CHMP3: variants seen among roughly 807,000 people sequenced by gnomAD.
CHMP3 encodes the protein charged multivesicular body protein 3, also known as 25.1 protein.
In CHMP3, 8 loss-of-function variants were observed where a neutral mutation model predicts 27.4. The ratio of observed to expected loss-of-function variants is 0.29; its 90% CI spans 0.17 to 0.53. The LOEUF (loss-of-function observed/expected upper bound fraction) is 0.53, where lower values mean the gene tolerates loss of function less well. Among genes scored for constraint, CHMP3 ranks in the 20% least tolerant of loss-of-function variants. The pLI, the probability that CHMP3 is intolerant of heterozygous loss-of-function variation, is 0.96. For missense variants in CHMP3, 208 were observed against 271.5 expected, an observed-to-expected ratio of 0.77 and a Z score of 1.64; for synonymous variants, 86 against 85.5, an observed-to-expected ratio of 1.01 and a Z score of -0.03.
intron 2 of CHMP3, among the ~76,000 whole-genome samples, chr2:86,535,061 A>G (rs1265783575): frequency 6.6e-6 from 1 of 152,106 alleles, no homozygotes; most frequent in Non-Finnish European, 1.5e-5. Context: ...GTTCCAGACT[A>G]GCCTAGGCAA....
Position 86,505,694 on chromosome 2 carries a change from C to A in CHMP3, c.*110G>T. ...TGGGCAGAGAATGAAAAGAGACAAA[C>A]AGAACCTTCTCCAAAATGGTAGTCC... On this transcript the variant is annotated 3_prime_UTR_variant, in exon 6 of 6. Transcript: ENST00000263856. The A allele has an allele frequency of 7.6e-7, 1 of 1,313,734 alleles. No individual in the cohort carries two copies. The allele number at this position is 1,313,734 out of a possible 1,614,324, so 81.4% of individuals were successfully genotyped here.
intron 3 of CHMP3, among the ~76,000 whole-genome samples, chr2:86,526,625 T>C (rs1461940895): frequency 6.6e-6 from 1 of 152,132 alleles, no homozygotes; most frequent in African/African-American, 2.4e-5. Context: ...ATCAATGTAA[T>C]TTCATCTAGT....
intron 1 of CHMP3, among the ~76,000 whole-genome samples, chr2:86,555,442 C>T (rs577098637): frequency 6.6e-6 from 1 of 151,000 alleles, no homozygotes; most frequent in Admixed American, 6.6e-5. Flanking sequence ...GTGGAGACTG[C>T]AGTGAGCCGA....
rs1200503151 is a variant in CHMP3 at position 86,505,929 on chromosome 2, T to C, written c.544A>G (p.Ser182Gly). 2.5e-6 allele frequency: 4 copies of C among 1,578,864 alleles called. No individual in the cohort carries two copies. The highest frequency in any genetic ancestry group is 3.4e-6 in the Non-Finnish European group (4 of 1,160,128). ...TCTGGAAGGGCATCAGTCACTTTAC[T>C]GGGTGCTTTGCCCAAGGCCCCTGAA... ...ITAGALGKAPSKVTDALPEPE... is the reference protein window; with the variant it reads ...ITAGALGKAPGKVTDALPEPE... The change falls in exon 6 of 6, where the codon AGT becomes GGT. Residue 182 changes from serine to glycine, a missense_variant. Physicochemically the swap from Ser to Gly is moderately conservative, Grantham distance 56. Transcript: ENST00000263856.
chr2:86,532,905 T>A (rs551165872), intron 2 of CHMP3, among the ~76,000 whole-genome samples: 1 of 152,356 alleles, frequency 6.6e-6, no homozygotes, highest in East Asian at 1.9e-4. Context: ...TTGCAGCATC[T>A]TTGTCTGATA....
Position 86,505,667 on chromosome 2 carries a change from C to T in CHMP3, c.*137G>A. ...GAACAATCCCTTTGCGATCCCAAAA[C>T]CTGGGCAGAGAATGAAAAGAGACAA... is the stretch of plus-strand genomic sequence containing the variant. On this transcript the variant is annotated 3_prime_UTR_variant, in exon 6 of 6. Coordinates refer to ENST00000263856, the MANE Select transcript of CHMP3 (RefSeq NM_016079.4). 2 of 1,236,690 alleles carry T rather than the reference C, an allele frequency of 1.6e-6. No individual in the cohort carries two copies. The highest frequency in any genetic ancestry group is 1.0e-6 in the Non-Finnish European group (1 of 956,552). 76.6% of individuals were successfully genotyped at this position (1,236,690 alleles called of 1,614,324 possible).
chr2:86,544,292 C>T (rs1339806504), intron 1 of CHMP3, among the ~76,000 whole-genome samples: 1 of 151,304 alleles, frequency 6.6e-6, no homozygotes, highest in Non-Finnish European at 1.5e-5. Flanking sequence ...TTTATGATAG[C>T]TGTCTGCTGA....
At chr2:86,542,343 G>A (rs1384145141) in intron 1 of CHMP3, 31 bp from the exon 2 acceptor site, 2 of 1,598,016 alleles carry the variant, frequency 1.3e-6, no homozygotes, top group Admixed American at 1.7e-5. Context: ...GGAATGAGGA[G>A]AAAAGCCGAA....
At chr2:86,524,706 G>A (rs1001740572) in intron 3 of CHMP3, among the ~76,000 whole-genome samples, 1 of 152,186 alleles carries the variant, frequency 6.6e-6, no homozygotes, top group African/African-American at 2.4e-5. Flanking sequence ...AATGTATATG[G>A]ATTCCCAGAG....
intron 4 of CHMP3, among the ~76,000 whole-genome samples, chr2:86,508,887 G>A (rs1573234726): frequency 6.6e-6 from 1 of 152,314 alleles, no homozygotes; most frequent in East Asian, 1.9e-4. Context: ...CATAAAAGAA[G>A]TGCAATAAAT....
chr2:86,533,198 C>T (rs1233083668), intron 2 of CHMP3, among the ~76,000 whole-genome samples: 1 of 152,320 alleles, frequency 6.6e-6, no homozygotes, highest in Admixed American at 6.5e-5. Flanking sequence ...CTAGGTTACA[C>T]AATTTATTAA....
In CHMP3 at chr2:86,560,895, C is replaced by T. The variant is rs150705227; in HGVS notation, c.45+2409G>A. Among the ~76,000 whole-genome samples the T allele has an allele frequency of 3.4e-3, 524 of 152,098 alleles. 6 individuals carry two copies. The highest frequency in any genetic ancestry group is 0.012 in the African/African-American group (505 of 41,468). On this transcript the variant is annotated intron_variant, in intron 1 of 5. Transcript: ENST00000263856. ...GAAGGTGCTACACACTTTTAAACAA[C>T]CAGATCTCATGAGAACTCACTATCT...
chr2:86,519,665 A>G (rs1675451268), intron 3 of CHMP3, among the ~76,000 whole-genome samples: 1 of 152,224 alleles, frequency 6.6e-6, no homozygotes, highest in Non-Finnish European at 1.5e-5. Flanking sequence ...AAAATATGAA[A>G]CAATCAGTTT....
chr2:86,537,019 C>A (rs1259664631), intron 2 of CHMP3, among the ~76,000 whole-genome samples: 1 of 152,044 alleles, frequency 6.6e-6, no homozygotes, highest in Non-Finnish European at 1.5e-5. Flanking sequence ...TACCACCACA[C>A]CTGGCTAATT....
intron 1 of CHMP3, among the ~76,000 whole-genome samples, chr2:86,544,313 G>T (rs1308659842): frequency 6.6e-6 from 1 of 150,448 alleles, no homozygotes; most frequent in African/African-American, 2.4e-5. Flanking sequence ...GTGTGAAGTG[G>T]TATCTCACTG....
intron 2 of CHMP3, among the ~76,000 whole-genome samples, chr2:86,532,663 G>C (rs1304184050): frequency 1.3e-5 from 2 of 152,066 alleles, no homozygotes; most frequent in Non-Finnish European, 2.9e-5. Flanking sequence ...TTGGCCAAAT[G>C]CTTTTTCTGC....
At chr2:86,542,972 A>C (rs995170261) in intron 1 of CHMP3, 4 of 152,270 alleles carry the variant, frequency 2.6e-5, no homozygotes, top group Non-Finnish European at 5.9e-5. Context: ...TTATGAGTCA[A>C]TTAATCATTA....
At chr2:86,556,614 G>GCCT (rs1186957459) in intron 1 of CHMP3, among the ~76,000 whole-genome samples, 1 of 151,984 alleles carries the variant, frequency 6.6e-6, no homozygotes, top group Non-Finnish European at 1.5e-5. Context: ...GTTTACTTAG[G>GCCT]CCTCGGAACC....
chr2:86,506,783 A>G (rs1245345156), intron 5 of CHMP3, among the ~76,000 whole-genome samples: 6 of 151,666 alleles, frequency 4.0e-5, no homozygotes, highest in Non-Finnish European at 5.9e-5. Flanking sequence ...CCTAATTTTT[A>G]TATTTTTTGT....
Sources: allele counts gnomAD v4.1 joint callset (sites outside exome capture counted in the v4.1 genomes callset), GRCh38; gene constraint gnomAD v4.1.1; transcripts MANE v1.5; gene names NCBI Gene and HGNC (gene_info 2026-07-23, HGNC 2026-07-21).